The following ARPC1A variants were observed in gnomAD, a reference collection of about 807,000 sequenced individuals.
The protein encoded by ARPC1A is actin-related protein 2/3 complex subunit 1A.
In ARPC1A, 8 loss-of-function variants were observed where a neutral mutation model predicts 46.9. The ratio of observed to expected loss-of-function variants is 0.17; its 90% CI spans 0.10 to 0.31. The LOEUF is 0.31. ARPC1A is among the 10% of genes least tolerant of loss of function. ARPC1A has a pLI of 1.00. For synonymous variants in ARPC1A, 152 were observed against 169.0 expected (o/e 0.90, Z 0.78); for missense variants, 286 against 483.6 (o/e 0.59, Z 3.83).
In ARPC1A at chr7:99,336,072, C is replaced by A. The variant is rs182594782; in HGVS notation, c.65-2109C>A. Among the ~76,000 whole-genome samples, 6 of 152,302 alleles carry A rather than the reference C, an allele frequency of 3.9e-5. No individual in the cohort carries two copies. The East Asian group carries it at 7.7e-4, about 20-fold the overall frequency. ...TCACAGAGCTTCATAGCCAACTTTC[C>A]TATATCTTCTGTTTCCACTTTCCCA... On this transcript the variant is annotated intron_variant, in intron 2 of 9. Transcript: ENST00000262942.
At chr7:99,334,901 TG>T (rs2150859879) in intron 2 of ARPC1A, among the ~76,000 whole-genome samples, 1 of 152,212 alleles carries the variant, frequency 6.6e-6, no homozygotes, top group African/African-American at 2.4e-5. Flanking sequence ...TGGAGTGCAG[TG>T]GCACAATCTT....
At chr7:99,338,107 C>A in intron 2 of ARPC1A, 74 bp from the exon 3 acceptor site, 1 of 1,138,378 alleles carries the variant, frequency 8.8e-7, no homozygotes, top group Non-Finnish European at 1.3e-6. Flanking sequence ...GCTTTTAAAA[C>A]AACTGTGACA....
intron 1 of ARPC1A, among the ~76,000 whole-genome samples, chr7:99,329,300 C>CA (rs575972082): frequency 2.0e-3 from 207 of 101,022 alleles, no homozygotes; most frequent in African/African-American, 3.1e-3. Context: ...GACTCCGTCT[C>CA]AAAAAAAAAA....
chr7:99,351,682 T>C (rs1415641227), intron 5 of ARPC1A, among the ~76,000 whole-genome samples: 1 of 152,182 alleles, frequency 6.6e-6, no homozygotes, highest in Non-Finnish European at 1.5e-5. Flanking sequence ...TAACTCACAG[T>C]CCTCTGCCAG....
chr7:99,342,895 T>C (rs565879670), intron 3 of ARPC1A, among the ~76,000 whole-genome samples: 3 of 151,878 alleles, frequency 2.0e-5, no homozygotes, highest in Non-Finnish European at 2.9e-5. Flanking sequence ...GCTAATTTTT[T>C]CCATTTTTAA....
At chr7:99,344,028 C>G (rs898161149) in intron 3 of ARPC1A, among the ~76,000 whole-genome samples, 2 of 152,098 alleles carry the variant, frequency 1.3e-5, no homozygotes, top group Non-Finnish European at 2.9e-5. Context: ...AAAGAATGGC[C>G]CCGTTTAGTT....
intron 8 of ARPC1A, among the ~76,000 whole-genome samples, chr7:99,362,577 C>T (rs1341691137): frequency 2.7e-5 from 4 of 149,668 alleles, no homozygotes; most frequent in East Asian, 2.0e-4. Context: ...CTCCTGACCT[C>T]GTGATCTGCC....
At chr7:99,348,282 A>G (rs1291093778) in intron 4 of ARPC1A, among the ~76,000 whole-genome samples, 1 of 152,226 alleles carries the variant, frequency 6.6e-6, no homozygotes, top group African/African-American at 2.4e-5. Flanking sequence ...ATCTCACGAA[A>G]ACATAACTGA....
At chr7:99,351,598 A>G (rs1793543430) in intron 5 of ARPC1A, among the ~76,000 whole-genome samples, 1 of 152,098 alleles carries the variant, frequency 6.6e-6, no homozygotes, top group Non-Finnish European at 1.5e-5. Flanking sequence ...TTGGCCTTCT[A>G]AGACTAAAGC....
Position 99,358,380 on chromosome 7 carries a change from G to A in ARPC1A, c.754G>A (p.Val252Met). The change falls in exon 7 of 10, where the codon GTG (valine) becomes ATG (methionine). Residue 252 changes from valine to methionine, a missense_variant. By Grantham distance (21) the Val-to-Met change is conservative (BLOSUM62 1). This residue lies in a region of ARPC1A where 182 missense variants were observed against 276.7 expected (regional missense o/e 0.66). Coordinates refer to ENST00000262942, the MANE Select transcript of ARPC1A (RefSeq NM_006409.4). Reference sequence around the variant, plus strand: ...GACAGAGTTCCTGCCGCTCCTAAGTGTGTCATTTGTCTCAGAGAACAGCGT... The same window carrying A: ...GACAGAGTTCCTGCCGCTCCTAAGTATGTCATTTGTCTCAGAGAACAGCGT... ...LKTEFLPLLS[V>M]SFVSENSVVA... 6.2e-7 allele frequency: 1 copy of A among 1,614,106 alleles called. No homozygotes were observed. The highest frequency in any genetic ancestry group is 1.1e-5 in the South Asian group (1 of 91,080).
intron 5 of ARPC1A, among the ~76,000 whole-genome samples, chr7:99,349,866 C>T (rs1793520452): frequency 6.7e-6 from 1 of 149,200 alleles, no homozygotes; most frequent in African/African-American, 2.5e-5. Context: ...TAAAAGTTAG[C>T]CTGGTGTGGT....
intron 4 of ARPC1A, among the ~76,000 whole-genome samples, chr7:99,348,006 G>T (rs1584381216): frequency 6.6e-6 from 1 of 152,146 alleles, no homozygotes; most frequent in Admixed American, 6.6e-5. Flanking sequence ...ACTGGTCCTA[G>T]ACATAAATCA....
At chr7:99,330,999 C>T (rs1793135167) in intron 1 of ARPC1A, among the ~76,000 whole-genome samples, 1 of 152,160 alleles carries the variant, frequency 6.6e-6, no homozygotes, top group Non-Finnish European at 1.5e-5. Context: ...CATTTAGTTA[C>T]AATTAAAAGT....
intron 2 of ARPC1A, 83 bp from the exon 3 acceptor site, chr7:99,338,098 C>T (rs960047095): frequency 4.9e-6 from 5 of 1,028,934 alleles, no homozygotes; most frequent in Non-Finnish European, 5.7e-6. Flanking sequence ...CTATAGTCTG[C>T]TTTTAAAACA....
chr7:99,353,405 G>T (rs775359599), intron 5 of ARPC1A, among the ~76,000 whole-genome samples: 1 of 151,804 alleles, frequency 6.6e-6, no homozygotes, highest in African/African-American at 2.4e-5. Flanking sequence ...TGATCCTCCC[G>T]CCTTGGCCTC....
At chr7:99,331,585 C>T (rs1009926197) in intron 1 of ARPC1A, among the ~76,000 whole-genome samples, 3 of 151,942 alleles carry the variant, frequency 2.0e-5, no homozygotes, top group African/African-American at 7.3e-5. Context: ...TGTAATTTTC[C>T]CTGTTATACA....
intron 6 of ARPC1A, among the ~76,000 whole-genome samples, chr7:99,355,879 C>G (rs1458975484): frequency 6.6e-6 from 1 of 152,146 alleles, no homozygotes; most frequent in Non-Finnish European, 1.5e-5. Flanking sequence ...TTAATTTGAG[C>G]CTTCCATTCA....
chr7:99,333,215 G>A (rs566995368), intron 1 of ARPC1A, 110 bp from the exon 2 acceptor site: 2 of 732,018 alleles, frequency 2.7e-6, no homozygotes, highest in South Asian at 3.2e-5. Context: ...TTAATGGGAG[G>A]ACAATGTTTT....
chr7:99,364,260 ATCTC>A (rs1358505081), intron 9 of ARPC1A, among the ~76,000 whole-genome samples: 11 of 134,418 alleles, frequency 8.2e-5, no homozygotes, highest in Non-Finnish European at 1.6e-4. Context: ...AGCCTTGGAG[ATCTC>A]TCTCTTTTTT....
Sources: allele counts gnomAD v4.1 joint callset (sites outside exome capture counted in the v4.1 genomes callset), GRCh38; gene constraint gnomAD v4.1.1; regional missense constraint gnomAD v4.1.1; transcripts MANE v1.5; gene names NCBI Gene and HGNC (gene_info 2026-07-23, HGNC 2026-07-21).